Variants in C1QTNF3 observed in about 807,000 individuals in gnomAD.
The protein encoded by C1QTNF3 is complement C1q tumor necrosis factor-related protein 3.
A neutral mutation model predicts 32.6 loss-of-function variants in C1QTNF3; 26 were observed. The observed-to-expected ratio is 0.80, with a 90% CI of 0.58 to 1.11. C1QTNF3 has a LOEUF of 1.11. Among genes scored for constraint, C1QTNF3 ranks in the 50% least tolerant of loss-of-function variants. The probability of loss-of-function intolerance (pLI) is 0.00; values close to 1 mark genes in which losing one functional copy is unlikely to be tolerated. For missense variants in C1QTNF3, 362 were observed against 398.2 expected (o/e 0.91, Z 0.77); for synonymous variants, 155 against 146.0 (o/e 1.06, Z -0.44).
the C1QTNF3 span, among the ~76,000 whole-genome samples, chr5:34,122,146 G>A: frequency 6.6e-6 from 1 of 152,200 alleles, no homozygotes; most frequent in Non-Finnish European, 1.5e-5. Context: ...ATATGGAAGT[G>A]GGGACGTTTT....
At chr5:34,166,857 G>A in the C1QTNF3 span, 7 of 151,832 alleles carry the variant, frequency 4.6e-5, no homozygotes, top group African/African-American at 1.7e-4. Flanking sequence ...AACATACCTA[G>A]ATCATATAAA....
chr5:34,235,059 C>T, the C1QTNF3 span, among the ~76,000 whole-genome samples: 3 of 152,122 alleles, frequency 2.0e-5, no homozygotes, highest in African/African-American at 7.2e-5. Context: ...CTCCCCAACA[C>T]ACATATGCTT....
At chr5:34,059,450 T>C in the C1QTNF3 span, among the ~76,000 whole-genome samples, 4 of 152,106 alleles carry the variant, frequency 2.6e-5, no homozygotes, top group Admixed American at 1.3e-4. Flanking sequence ...TCTCACAGTT[T>C]TGGAGGCTGG....
Position 34,019,550 on chromosome 5 carries a change from G to C in C1QTNF3, c.*1033C>G, listed in dbSNP as rs1199340201. ...GAATAACTGAAAAGCGAAGTTTTCTGAAGTCATATGACCCTGCTGTGTGCC... is the reference window on the plus strand; with the variant it reads ...GAATAACTGAAAAGCGAAGTTTTCTCAAGTCATATGACCCTGCTGTGTGCC... On this transcript the variant is annotated 3_prime_UTR_variant, in exon 6 of 6. Coordinates refer to ENST00000382065, the MANE Select transcript of C1QTNF3 (RefSeq NM_181435.6). The C allele has an allele frequency of 6.6e-6, 1 of 152,208 alleles. No homozygotes were observed. Among genetic ancestry groups the C allele is most frequent in the Non-Finnish European group, 1.5e-5 (1 of 68,036 alleles). 9.4% of individuals were successfully genotyped at this position (152,208 alleles called of 1,614,324 possible). A position where few individuals can be genotyped will look rare whatever the true frequency, so the allele number is the denominator to read the frequency against.
the C1QTNF3 span, among the ~76,000 whole-genome samples, chr5:34,196,876 G>T: frequency 6.6e-6 from 1 of 152,308 alleles, no homozygotes; most frequent in African/African-American, 2.4e-5. Flanking sequence ...TAGTAAGGAT[G>T]GTCTCGATCT....
chr5:34,183,632 C>T, the C1QTNF3 span, among the ~76,000 whole-genome samples: 4 of 150,978 alleles, frequency 2.6e-5, no homozygotes, highest in African/African-American at 4.9e-5. Flanking sequence ...TCCTTTAACA[C>T]GCTATTCATT....
chr5:34,216,334 G>A, the C1QTNF3 span, among the ~76,000 whole-genome samples: 2 of 152,220 alleles, frequency 1.3e-5, no homozygotes, highest in Non-Finnish European at 2.9e-5. Flanking sequence ...AGCAGGTGAA[G>A]TCAGTATGAA....
chr5:34,179,522 AAAAG>A, the C1QTNF3 span, among the ~76,000 whole-genome samples: 1 of 145,970 alleles, frequency 6.9e-6, no homozygotes, highest in South Asian at 2.3e-4. Flanking sequence ...GAAAGAAAAG[AAAAG>A]AAAAAAAAAA....
the C1QTNF3 span, among the ~76,000 whole-genome samples, chr5:34,163,268 A>G: frequency 6.6e-6 from 1 of 152,070 alleles, no homozygotes; most frequent in African/African-American, 2.4e-5. Context: ...TGTTATGTAC[A>G]ACAACCCCCC....
At chr5:34,056,473 TATATATAGAGAGAGAGAGAGAG>T in the C1QTNF3 span, among the ~76,000 whole-genome samples, 5 of 106,984 alleles carry the variant, frequency 4.7e-5, no homozygotes, top group African/African-American at 1.9e-4. Context: ...TATATATATA[TATATATAGAGAGAGAGAGAGAG>T]AGAGAGAGAG....
chr5:34,098,511 G>C, the C1QTNF3 span, among the ~76,000 whole-genome samples: 2 of 152,230 alleles, frequency 1.3e-5, no homozygotes, highest in Middle Eastern at 3.4e-3. Context: ...TTCTAAAGTG[G>C]ATTCTCAGAA....
chr5:34,129,982 C>T, the C1QTNF3 span, among the ~76,000 whole-genome samples: 5 of 151,970 alleles, frequency 3.3e-5, no homozygotes. Flanking sequence ...AGCACATTTT[C>T]TTAAATGTCT....
chr5:34,203,747 T>C, the C1QTNF3 span, among the ~76,000 whole-genome samples: 75 of 150,146 alleles, frequency 5.0e-4, no homozygotes, highest in African/African-American at 1.8e-3. Flanking sequence ...TCCAAAAATA[T>C]TATGCTTACA....
At chr5:34,228,672 G>A in the C1QTNF3 span, among the ~76,000 whole-genome samples, 4 of 151,668 alleles carry the variant, frequency 2.6e-5, no homozygotes, top group African/African-American at 7.3e-5. Flanking sequence ...ATCACTATAT[G>A]AGATATCGGT....
chr5:34,074,688 T>C, the C1QTNF3 span, among the ~76,000 whole-genome samples: 1 of 151,676 alleles, frequency 6.6e-6, no homozygotes, highest in Non-Finnish European at 1.5e-5. Flanking sequence ...CTGGACATTC[T>C]TTCTTACTGC....
the C1QTNF3 span, among the ~76,000 whole-genome samples, chr5:34,118,930 A>G: frequency 5.0e-4 from 76 of 152,232 alleles, 1 homozygote; most frequent in Admixed American, 1.5e-3. Flanking sequence ...ACATATATAT[A>G]TATTTACATA....
chr5:34,084,817 T>TTTA, the C1QTNF3 span, among the ~76,000 whole-genome samples: 7 of 112,706 alleles, frequency 6.2e-5, no homozygotes, highest in African/African-American at 3.0e-4. Context: ...TTGTTTTTTT[T>TTTA]CTGTGCAGAA....
the C1QTNF3 span, among the ~76,000 whole-genome samples, chr5:34,233,811 T>C: frequency 1.3e-5 from 2 of 152,158 alleles, no homozygotes; most frequent in African/African-American, 2.4e-5. Context: ...AATTTCAAAT[T>C]GATAATGTGG....
chr5:34,022,933 G>C (rs568091242), intron 5 of C1QTNF3, among the ~76,000 whole-genome samples: 81 of 152,274 alleles, frequency 5.3e-4, no homozygotes, highest in Middle Eastern at 3.4e-3. Context: ...TCAGCTTACT[G>C]CAAGTTCCGC....
Sources: gnomAD v4.1 joint callset for allele counts (sites outside exome capture counted in the v4.1 genomes callset) on GRCh38, gnomAD v4.1.1 for gene constraint, MANE v1.5 for transcripts, NCBI Gene and HGNC (gene_info 2026-07-23, HGNC 2026-07-21) for gene names.